ZFHX2: variants seen among roughly 807,000 people sequenced by gnomAD.
The protein encoded by ZFHX2 is zinc finger homeobox protein 2.
A neutral mutation model predicts 164.8 loss-of-function variants in ZFHX2; 75 were observed. That is an observed-to-expected ratio of 0.46 (90% CI 0.38 to 0.55). The LOEUF (loss-of-function observed/expected upper bound fraction) is 0.55, where lower values mean the gene tolerates loss of function less well. ZFHX2 is among the 20% of genes least tolerant of loss of function. The probability of loss-of-function intolerance (pLI) is 0.00; values close to 1 mark genes in which losing one functional copy is unlikely to be tolerated. For synonymous variants in ZFHX2, 1,217 were observed against 1,351.4 expected, an observed-to-expected ratio of 0.90 and a Z score of 2.18; for missense variants, 2,933 against 3,308.0, an observed-to-expected ratio of 0.89 and a Z score of 2.78.
At chr14:23,531,879 T>A in intron 3 of ZFHX2, 158 bp from the exon 4 acceptor site, 1 of 981,164 alleles carries the variant, frequency 1.0e-6, no homozygotes, top group Non-Finnish European at 1.3e-6. Context: ...CTGGGTTCAG[T>A]GATTCTCATG....
At position 23,520,912 on chromosome 14, in the gene ZFHX2, T is replaced by G. The variant is rs371824233; in HGVS notation, c.*1050A>C. ...TCTGTATTTTCCAAGTTTACGTTTTTCTTTAGTTCATTCCTCTGGTGTCCG... is the reference window on the plus strand; with the variant it reads ...TCTGTATTTTCCAAGTTTACGTTTTGCTTTAGTTCATTCCTCTGGTGTCCG... On this transcript the variant is annotated 3_prime_UTR_variant, in exon 10 of 10. Transcript: ENST00000419474. This position sits in a 1 kb window ranked among gnomAD's most constrained non-coding sequence, Gnocchi z 8.7. The G allele has an allele frequency of 2.8e-4, 42 of 152,242 alleles. No homozygotes were observed. The East Asian group carries it at 8.1e-3, about 29-fold the overall frequency. The allele number at this position is 152,242 out of a possible 1,614,324, so 9.4% of individuals were successfully genotyped here.
intron 6 of ZFHX2, 116 bp downstream of exon 6, chr14:23,529,594 T>C (rs1879264222): frequency 9.5e-7 from 1 of 1,056,802 alleles, no homozygotes; most frequent in Admixed American, 2.0e-5. Context: ...TTAACTGTGC[T>C]ATTCTGAGTG....
intron 6 of ZFHX2, chr14:23,529,373 G>A (rs1375129944): frequency 1.3e-5 from 4 of 308,426 alleles, no homozygotes; most frequent in Non-Finnish European, 1.8e-5. Context: ...AAAGAGCTGG[G>A]CAGTAGCTGG....
Position 23,524,300 on chromosome 14 carries a change from T to A in ZFHX2, c.5642A>T (p.Asn1881Ile). Residue 1881 changes from asparagine (N) to isoleucine (I), a missense_variant, in exon 9 of 10, where the codon AAC becomes ATC. Physicochemically the swap from Asn to Ile is moderately radical, Grantham distance 149. Coordinates refer to ENST00000419474, the MANE Select transcript of ZFHX2 (RefSeq NM_033400.3). This position sits in a 1 kb window ranked among gnomAD's most constrained non-coding sequence, Gnocchi z 5.6. Reference protein sequence around the residue: ...ILYRWYMQDSNPTRKMLDCIS... With the variant: ...ILYRWYMQDSIPTRKMLDCIS... ...GCAGTCGAGCATCTTGCGTGTTGGGTTGGAATCCTGCATGTACCAACGGTA... is the reference window on the plus strand; with the variant it reads ...GCAGTCGAGCATCTTGCGTGTTGGGATGGAATCCTGCATGTACCAACGGTA... The A allele has an allele frequency of 6.5e-7, 1 of 1,536,292 alleles. No individual in the cohort carries two copies. Among genetic ancestry groups the A allele is most frequent in the Non-Finnish European group, 8.7e-7 (1 of 1,146,946 alleles).
intron 1 of ZFHX2, among the ~76,000 whole-genome samples, chr14:23,549,266 A>C (rs984035349): frequency 6.6e-6 from 1 of 151,912 alleles, no homozygotes; most frequent in Non-Finnish European, 1.5e-5. Flanking sequence ...TCCTTTGCAC[A>C]TCCCTCACGT....
rs1378224290 is a variant in ZFHX2 at position 23,522,854 on chromosome 14, G to A, written c.6827C>T (p.Pro2276Leu). The A allele has an allele frequency of 1.1e-5, 17 of 1,526,322 alleles. No homozygotes were observed. The highest frequency in any genetic ancestry group is 2.7e-5 in the African/African-American group (2 of 72,868). 94.5% of individuals were successfully genotyped at this position (1,526,322 alleles called of 1,614,324 possible). A position where few individuals can be genotyped will look rare whatever the true frequency, so the allele number is the denominator to read the frequency against. Reference protein sequence around the residue: ...TVVQTAGPGRPLPQRPMPDQT... With the variant: ...TVVQTAGPGRLLPQRPMPDQT... The stretch of plus-strand genomic sequence containing the variant: ...GTCGGGCATGGGTCTCTGAGGTAAG[G>A]GGCGGCCTGGGCCAGCAGTCTGGAC... Residue 2276 changes from proline (P) to leucine (L), a missense_variant, in exon 10 of 10, where the codon CCC becomes CTC. By Grantham distance (98) the Pro-to-Leu change is moderately conservative. Coordinates refer to ENST00000419474, the MANE Select transcript of ZFHX2 (RefSeq NM_033400.3).
chr14:23,521,860 G>A lies in ZFHX2; in HGVS notation c.*102C>T. The stretch of plus-strand genomic sequence containing the variant: ...TGAACAGTTCCTGTGAGGTGGGCGG[G>A]GCCAGGGGGTGGGGTGAGGGATTTG... On this transcript the variant is annotated 3_prime_UTR_variant, in exon 10 of 10. Transcript: ENST00000419474. 7 of 1,490,898 alleles carry A rather than the reference G, an allele frequency of 4.7e-6. No homozygotes were observed. The South Asian group carries it at 6.7e-5, about 14-fold the overall frequency. 92.4% of individuals were successfully genotyped at this position (1,490,898 alleles called of 1,614,324 possible).
At position 23,532,655 on chromosome 14, in the gene ZFHX2, T is replaced by C. The variant is rs868791553; in HGVS notation, c.2471A>G (p.Asn824Ser). 2.7e-6 allele frequency: 4 copies of C among 1,489,252 alleles called. 1 individual carries two copies. The South Asian group carries it at 5.2e-5, about 19-fold the overall frequency. The allele number at this position is 1,489,252 out of a possible 1,614,324, so 92.3% of individuals were successfully genotyped here. ...GCTGTTGGACTCAAAGTCACAGATG[T>C]TGCAGCGCAGGTGTAGTGGGGAGAC... ...GSVSPLHLRC[N>S]ICDFESNSKE... The change falls in exon 3 of 10, where the codon AAC (asparagine) becomes AGC (serine). Residue 824 changes from asparagine (N) to serine (S), a missense_variant. Transcript: ENST00000419474.
At chr14:23,539,855 C>T (rs1254327902) in intron 1 of ZFHX2, among the ~76,000 whole-genome samples, 2 of 152,222 alleles carry the variant, frequency 1.3e-5, no homozygotes, top group African/African-American at 4.8e-5. Flanking sequence ...GCTTTTTCCT[C>T]CCTAACTCCC....
At chr14:23,550,949 A>C (rs1052654555) in intron 1 of ZFHX2, among the ~76,000 whole-genome samples, 8 of 148,084 alleles carry the variant, frequency 5.4e-5, no homozygotes, top group East Asian at 2.0e-4. Flanking sequence ...GAGCCCTCAC[A>C]CTCACCGGGC....
intron 6 of ZFHX2, chr14:23,529,258 C>G: frequency 2.4e-5 from 4 of 165,960 alleles, no homozygotes; most frequent in Admixed American, 6.0e-5. Flanking sequence ...TTGGTTGGTG[C>G]CCCTACCCTT....
Position 23,532,936 on chromosome 14 carries a change from G to C in ZFHX2, c.2190C>G (p.Asp730Glu). The change falls in exon 3 of 10, where the codon GAC (aspartate) becomes GAG (glutamate). Residue 730 changes from aspartate to glutamate, a missense_variant. Coordinates refer to ENST00000419474, the MANE Select transcript of ZFHX2 (RefSeq NM_033400.3). Reference protein sequence around the residue: ...RCLVCQAFSTDSLELLLYHCS... With the variant: ...RCLVCQAFSTESLELLLYHCS... ...AGTGGTAGAGCAGCAGCTCCAGGCT[G>C]TCTGTGCTGAAGGCCTGGCACACTA... 1 of 1,536,204 alleles carries C rather than the reference G, an allele frequency of 6.5e-7. No individual in the cohort carries two copies. Among genetic ancestry groups the C allele is most frequent in the Non-Finnish European group, 8.7e-7 (1 of 1,146,916 alleles).
chr14:23,541,744 G>A (rs1266175868), intron 1 of ZFHX2, among the ~76,000 whole-genome samples: 1 of 152,140 alleles, frequency 6.6e-6, no homozygotes. Flanking sequence ...AACTATTCTG[G>A]CCTTTCCCTG....
chr14:23,531,379 C>T (rs1216382636), intron 4 of ZFHX2, 102 bp downstream of exon 4: 5 of 1,327,090 alleles, frequency 3.8e-6, no homozygotes, highest in South Asian at 4.3e-5. Flanking sequence ...GCCTACAGGC[C>T]CTCTTCGCCT....
Position 23,524,784 on chromosome 14 carries a change from C to T in ZFHX2, c.5158G>A (p.Glu1720Lys). The T allele has an allele frequency of 2.0e-6, 3 of 1,536,682 alleles. No individual in the cohort carries two copies. Among genetic ancestry groups the T allele is most frequent in the Non-Finnish European group, 2.6e-6 (3 of 1,147,034 alleles). Residue 1720 changes from glutamate (E) to lysine (K), a missense_variant, in exon 9 of 10, where the codon GAG (glutamate) becomes AAG (lysine). Glu to Lys is a moderately conservative substitution (Grantham distance 56). Coordinates refer to ENST00000419474, the MANE Select transcript of ZFHX2 (RefSeq NM_033400.3). The surrounding 1 kb of genome is among the most constrained non-coding windows in gnomAD (Gnocchi z 5.6). ...EEEEVEEEEV[E>K]EEQGLEPPAG... Reference sequence around the variant, plus strand: ...GGAGGTTCAAGGCCCTGTTCCTCCTCTACTTCTTCTTCTTCCACCTCTTCC... The same window carrying T: ...GGAGGTTCAAGGCCCTGTTCCTCCTTTACTTCTTCTTCTTCCACCTCTTCC...
At chr14:23,532,533 C>A in intron 3 of ZFHX2, 34 bp downstream of exon 3, 7 of 1,429,140 alleles carry the variant, frequency 4.9e-6, no homozygotes, top group Non-Finnish European at 6.4e-6. Flanking sequence ...ATTCCCTTCT[C>A]CTCTTCCGAT....
intron 1 of ZFHX2, among the ~76,000 whole-genome samples, chr14:23,541,397 C>T (rs1398370617): frequency 1.3e-5 from 2 of 151,668 alleles, no homozygotes; most frequent in African/African-American, 4.9e-5. Context: ...AAGCGATTCT[C>T]CTGCCTCAGC....
At chr14:23,532,201 TC>T (rs1879661121) in intron 3 of ZFHX2, 1 of 171,988 alleles carries the variant, frequency 5.8e-6, no homozygotes, top group South Asian at 2.0e-4. Flanking sequence ...TTGCTTGCTC[TC>T]CCCAACCCTT....
rs531201464 is a variant in ZFHX2, at chr14:23,546,838, C to T, written c.-50+4505G>A. 6.6e-6 allele frequency among the ~76,000 whole-genome samples: 1 copy of T among 152,232 alleles called. No homozygotes were observed. The highest frequency in any genetic ancestry group is 2.1e-4 in the South Asian group (1 of 4,830). On this transcript the variant is annotated intron_variant, in intron 1 of 9. Coordinates refer to ENST00000419474, the MANE Select transcript of ZFHX2 (RefSeq NM_033400.3). This position sits in a 1 kb window ranked among gnomAD's most constrained non-coding sequence, Gnocchi z 4.7. ...TGCCCAACTCCGTGGCGGTGGCTGACAGTGCAACAGCCACCACTGTCCTTC... is the reference window on the plus strand; with the variant it reads ...TGCCCAACTCCGTGGCGGTGGCTGATAGTGCAACAGCCACCACTGTCCTTC...
Sources: allele counts gnomAD v4.1 joint callset (sites outside exome capture counted in the v4.1 genomes callset), GRCh38; gene constraint gnomAD v4.1.1; non-coding constraint Gnocchi (gnomAD v3.1); transcripts MANE v1.5; gene names NCBI Gene and HGNC (gene_info 2026-07-23, HGNC 2026-07-21).